ZSCAN25: variants seen among roughly 807,000 people sequenced by gnomAD.
ZSCAN25 encodes the protein zinc finger and SCAN domain containing 25, also known as zinc finger and SCAN domain-containing protein 25.
ZSCAN25 carries 27 observed loss-of-function variants against 38.7 expected under a neutral mutation model. The observed-to-expected ratio is 0.70, with a 90% CI of 0.51 to 0.96. The LOEUF (loss-of-function observed/expected upper bound fraction) is 0.96, where lower values mean the gene tolerates loss of function less well. Among genes scored for constraint, ZSCAN25 ranks in the 40% least tolerant of loss-of-function variants. ZSCAN25 has a pLI of 0.00. For missense variants in ZSCAN25, 637 were observed against 705.9 expected (o/e 0.90, Z 1.11); for synonymous variants, 273 against 277.7 (o/e 0.98, Z 0.17).
At chr7:99,689,788 T>G in the ZSCAN25 span, among the ~76,000 whole-genome samples, 1 of 152,006 alleles carries the variant, frequency 6.6e-6, no homozygotes, top group South Asian at 2.1e-4. Context: ...CACTGCTCAA[T>G]GAAATAAAAG....
Position 99,629,884 on chromosome 7 carries a change from G to A in ZSCAN25, c.1499G>A (p.Arg500Gln), listed in dbSNP as rs755771828. 4.3e-6 allele frequency: 7 copies of A among 1,614,198 alleles called. No homozygotes were observed. Among genetic ancestry groups the A allele is most frequent in the South Asian group, 1.1e-5 (1 of 91,086 alleles). Residue 500 changes from arginine (R) to glutamine (Q), a missense_variant, in exon 8 of 8, where the codon CGG becomes CAG. Physicochemically the swap from Arg to Gln is conservative, Grantham distance 43. Transcript: ENST00000394152. This position sits in a 1 kb window ranked among gnomAD's most constrained non-coding sequence, Gnocchi z 5.6. ...VCGKRFSKGERLVRHQRIHTG... is the reference protein window; with the variant it reads ...VCGKRFSKGEQLVRHQRIHTG... ...GGGAAGCGGTTCAGCAAAGGGGAGC[G>A]GCTGGTCCGACACCAGAGAATCCAT...
chr7:99,663,556 G>A, the ZSCAN25 span: 2 of 993,878 alleles, frequency 2.0e-6, no homozygotes, highest in South Asian at 9.2e-5. Context: ...TAGCCTCATA[G>A]GACCTTTAAT....
Position 99,631,109 on chromosome 7 carries a change from G to GTACCTGATCTTCAGAACCCGTGGATA in ZSCAN25, c.*1091_*1116dup. On this transcript the variant is annotated 3_prime_UTR_variant, in exon 8 of 8. Transcript: ENST00000394152. ...CTCGTAGAGCTTATGTCTCGTGGAT[G>GTACCTGATCTTCAGAACCCGTGGATA]TACCTGATCTTCAGAACCCGTGGAT... The GTACCTGATCTTCAGAACCCGTGGATA allele has an allele frequency of 2.0e-6, 2 of 985,446 alleles. No homozygotes were observed. The highest frequency in any genetic ancestry group is 9.4e-5 in the South Asian group (2 of 21,290). The allele number at this position is 985,446 out of a possible 1,614,324, so 61.0% of individuals were successfully genotyped here. A position where few individuals can be genotyped will look rare whatever the true frequency, so the allele number is the denominator to read the frequency against.
chr7:99,650,313 C>CCCCT, the ZSCAN25 span: 1 of 1,349,840 alleles, frequency 7.4e-7, no homozygotes, highest in Non-Finnish European at 1.0e-6. Context: ...TACTTAAGAA[C>CCCCT]AACCCCCCTC....
chr7:99,643,416 A>G, the ZSCAN25 span, among the ~76,000 whole-genome samples: 3 of 151,724 alleles, frequency 2.0e-5, no homozygotes, highest in East Asian at 1.9e-4. Context: ...ATGTTTACCC[A>G]TTGCTGCCCC....
the ZSCAN25 span, chr7:99,715,771 G>C: frequency 6.2e-7 from 1 of 1,613,784 alleles, no homozygotes; most frequent in Non-Finnish European, 8.5e-7. Context: ...TTGAGAGAAC[G>C]AATGGATCTA....
chr7:99,648,923 C>G, the ZSCAN25 span, among the ~76,000 whole-genome samples: 1 of 152,108 alleles, frequency 6.6e-6, no homozygotes, highest in East Asian at 1.9e-4. Flanking sequence ...AAGAATTATT[C>G]TTTTCTTTTT....
the ZSCAN25 span, among the ~76,000 whole-genome samples, chr7:99,699,386 G>A: frequency 6.6e-6 from 1 of 152,172 alleles, no homozygotes; most frequent in Admixed American, 6.5e-5. Context: ...ACAGGAAAGA[G>A]GGAAGAGCCG....
At chr7:99,646,861 C>T in the ZSCAN25 span, among the ~76,000 whole-genome samples, 20 of 151,596 alleles carry the variant, frequency 1.3e-4, no homozygotes, top group Non-Finnish European at 2.8e-4. Flanking sequence ...CATACAAACA[C>T]ATATATTTAC....
At chr7:99,676,120 G>C in the ZSCAN25 span, 109 of 1,613,420 alleles carry the variant, frequency 6.8e-5, 3 homozygotes, top group South Asian at 1.1e-3. Flanking sequence ...CTCACCTGAC[G>C]ATAGGACAAA....
At chr7:99,676,528 TTA>T in the ZSCAN25 span, 1 of 1,367,640 alleles carries the variant, frequency 7.3e-7, no homozygotes, top group Non-Finnish European at 9.7e-7. Context: ...CTTCATTTCC[TTA>T]TGTCTGTTTA....
rs2151304253 is a variant in ZSCAN25, at chr7:99,631,551, AGT to A, written c.*1534_*1535del. 1 of 985,286 alleles carries A rather than the reference AGT, an allele frequency of 1.0e-6. No individual in the cohort carries two copies. The highest frequency in any genetic ancestry group is 4.7e-5 in the South Asian group (1 of 21,282). The allele number at this position is 985,286 out of a possible 1,614,324, so 61.0% of individuals were successfully genotyped here. Reference sequence around the variant, plus strand: ...GTGAGTGAGTTTGTCCTTTGTTGATAGTGTCCTATAATTGCAAAATGTGGTTT... The same window carrying A: ...GTGAGTGAGTTTGTCCTTTGTTGATAGTCCTATAATTGCAAAATGTGGTTT... On this transcript the variant is annotated 3_prime_UTR_variant, in exon 8 of 8. Transcript: ENST00000394152.
chr7:99,691,057 C>T, the ZSCAN25 span, among the ~76,000 whole-genome samples: 41 of 152,090 alleles, frequency 2.7e-4, no homozygotes, highest in African/African-American at 7.2e-4. Context: ...TGTCCAACAA[C>T]GATAGACTGG....
chr7:99,719,906 A>G, the ZSCAN25 span, among the ~76,000 whole-genome samples: 1 of 152,212 alleles, frequency 6.6e-6, no homozygotes, highest in Non-Finnish European at 1.5e-5. Flanking sequence ...TGGAGGCAGA[A>G]GAATCACTTG....
chr7:99,711,379 T>C, the ZSCAN25 span, among the ~76,000 whole-genome samples: 1 of 152,224 alleles, frequency 6.6e-6, no homozygotes, highest in Non-Finnish European at 1.5e-5. Flanking sequence ...TTCCTTTAGA[T>C]ATGTTTGAGG....
At chr7:99,628,751 G>T (rs1394033123) in intron 7 of ZSCAN25, among the ~76,000 whole-genome samples, 1 of 152,216 alleles carries the variant, frequency 6.6e-6, no homozygotes, top group African/African-American at 2.4e-5. Flanking sequence ...GTGCTGCCCT[G>T]TGCTACAGCA....
At chr7:99,628,544 C>T (rs966442523) in intron 7 of ZSCAN25, among the ~76,000 whole-genome samples, 2 of 152,218 alleles carry the variant, frequency 1.3e-5, no homozygotes, top group African/African-American at 4.8e-5. Flanking sequence ...GATAAATATG[C>T]TACCTAGGGG....
the ZSCAN25 span, among the ~76,000 whole-genome samples, chr7:99,722,973 C>T: frequency 1.3e-5 from 2 of 152,100 alleles, no homozygotes; most frequent in Non-Finnish European, 2.9e-5. Context: ...AATGTCACCT[C>T]TACACATCGG....
the ZSCAN25 span, among the ~76,000 whole-genome samples, chr7:99,669,185 T>A: frequency 6.6e-6 from 1 of 152,216 alleles, no homozygotes; most frequent in Non-Finnish European, 1.5e-5. Context: ...GACAAATGAC[T>A]TTTTCTTGTT....
Sources: gnomAD v4.1 joint callset for allele counts (sites outside exome capture counted in the v4.1 genomes callset) on GRCh38, gnomAD v4.1.1 for gene constraint, Gnocchi (gnomAD v3.1) non-coding constraint, MANE v1.5 for transcripts, NCBI Gene and HGNC (gene_info 2026-07-23, HGNC 2026-07-21) for gene names.